The following HERC3 variants were observed in gnomAD, a reference collection of about 807,000 sequenced individuals.
HERC3 encodes probable E3 ubiquitin-protein ligase HERC3.
In HERC3, 58 loss-of-function variants were observed where a neutral mutation model predicts 129.9. The observed-to-expected ratio is 0.45, with a 90% CI of 0.36 to 0.56. HERC3 has a LOEUF of 0.56. HERC3 is among the 20% of genes least tolerant of loss of function. The pLI is 0.00. For synonymous variants in HERC3, 430 were observed against 451.0 expected (o/e 0.95, Z 0.59); for missense variants, 835 against 1,244.2 (o/e 0.67, Z 4.95).
intron 1 of HERC3, among the ~76,000 whole-genome samples, 189 bp downstream of exon 1, chr4:88,592,763 G>T (rs1721844150): frequency 6.6e-6 from 1 of 152,028 alleles, no homozygotes; most frequent in Non-Finnish European, 1.5e-5. Context: ...GGCGCGGGGA[G>T]GTTGGGGCGC....
At chr4:88,569,116 G>A in the HERC3 span, among the ~76,000 whole-genome samples, 1 of 152,132 alleles carries the variant, frequency 6.6e-6, no homozygotes, top group African/African-American at 2.4e-5. Context: ...CTGTGGTGGT[G>A]GGGCTAGCTG....
At chr4:88,572,138 A>G in the HERC3 span, among the ~76,000 whole-genome samples, 6 of 152,170 alleles carry the variant, frequency 3.9e-5, no homozygotes, top group Non-Finnish European at 7.3e-5. Context: ...GAAGAAACCA[A>G]CCTTGCTGGG....
the HERC3 span, among the ~76,000 whole-genome samples, chr4:88,526,949 C>T: frequency 4.0e-5 from 6 of 151,896 alleles, no homozygotes; most frequent in Non-Finnish European, 8.8e-5. Context: ...AAGAAAAATT[C>T]GCAAAAAAGA....
At chr4:88,652,816 GT>G in intron 5 of HERC3, 52 bp from the exon 6 acceptor site, 3 of 1,534,832 alleles carry the variant, frequency 2.0e-6, no homozygotes, top group Non-Finnish European at 2.7e-6. Flanking sequence ...GATTATTTTT[GT>G]GTGTGGAGCT....
intron 25 of HERC3, among the ~76,000 whole-genome samples, chr4:88,706,504 C>T (rs1426795463): frequency 1.3e-5 from 2 of 152,158 alleles, no homozygotes; most frequent in Non-Finnish European, 2.9e-5. Flanking sequence ...TTTCCTATGA[C>T]AGCAATTCCT....
chr4:88,630,633 A>G (rs561693880), intron 3 of HERC3, among the ~76,000 whole-genome samples: 2 of 152,334 alleles, frequency 1.3e-5, no homozygotes, highest in East Asian at 1.9e-4. Flanking sequence ...TGAAGGGACT[A>G]TTAGTATTTT....
the HERC3 span, among the ~76,000 whole-genome samples, chr4:88,532,603 A>G: frequency 6.6e-6 from 1 of 152,210 alleles, no homozygotes; most frequent in Non-Finnish European, 1.5e-5. Context: ...TACAAACACA[A>G]ATAATGTGTT....
chr4:88,577,981 A>G, the HERC3 span, among the ~76,000 whole-genome samples: 1 of 152,178 alleles, frequency 6.6e-6, no homozygotes, highest in Non-Finnish European at 1.5e-5. Flanking sequence ...TAACACTAGA[A>G]GATTCATTCC....
chr4:88,538,545 CTTTTTTT>C, the HERC3 span, among the ~76,000 whole-genome samples: 1 of 129,826 alleles, frequency 7.7e-6, no homozygotes, highest in Non-Finnish European at 1.6e-5. Flanking sequence ...CCAATTTCCT[CTTTTTTT>C]TTTTTTTTTT....
chr4:88,690,042 C>A (rs1197088442), intron 23 of HERC3: 1 of 985,180 alleles, frequency 1.0e-6, no homozygotes. Flanking sequence ...GCAGAAGCCA[C>A]CCAGACACCC....
At chr4:88,542,852 A>G in the HERC3 span, among the ~76,000 whole-genome samples, 1 of 152,236 alleles carries the variant, frequency 6.6e-6, no homozygotes, top group Non-Finnish European at 1.5e-5. Context: ...AATTTTCTCT[A>G]TAGTTGCAGA....
chr4:88,614,536 T>G (rs1004686899), intron 3 of HERC3, among the ~76,000 whole-genome samples: 2 of 152,168 alleles, frequency 1.3e-5, no homozygotes, highest in Non-Finnish European at 2.9e-5. Context: ...TCAAGGTACT[T>G]TGGTAAAAGG....
chr4:88,555,487 T>C, the HERC3 span, among the ~76,000 whole-genome samples: 4 of 152,208 alleles, frequency 2.6e-5, no homozygotes, highest in African/African-American at 9.6e-5. Context: ...AAATTTTGTT[T>C]ACAAGTGGCT....
chr4:88,565,756 ATTTTGTTGTTT>A, the HERC3 span, among the ~76,000 whole-genome samples: 933 of 152,226 alleles, frequency 6.1e-3, 11 homozygotes, highest in African/African-American at 0.022. Flanking sequence ...TACTCCTGCC[ATTTTGTTGTTT>A]AATAAAGATT....
rs372284416 is a variant in HERC3, at chr4:88,672,815, A to G, written c.1911+2563A>G. Reference sequence around the variant, plus strand: ...TTAGCAGAGTACTTAGCATATAATAAGCCCTCAATAAATATTTTTCACGAA... The same window carrying G: ...TTAGCAGAGTACTTAGCATATAATAGGCCCTCAATAAATATTTTTCACGAA... On this transcript the variant is annotated intron_variant, in intron 16 of 25. Transcript: ENST00000402738. 1.6e-4 allele frequency among the ~76,000 whole-genome samples: 25 copies of G among 152,378 alleles called. No individual in the cohort carries two copies. The South Asian group carries it at 2.5e-3, about 15-fold the overall frequency.
chr4:88,558,816 A>G, the HERC3 span, among the ~76,000 whole-genome samples: 4 of 151,840 alleles, frequency 2.6e-5, no homozygotes, highest in South Asian at 2.1e-4. Context: ...AAAAAAAGAA[A>G]AATTAGCCAG....
the HERC3 span, among the ~76,000 whole-genome samples, chr4:88,548,430 G>A: frequency 6.6e-6 from 1 of 151,956 alleles, no homozygotes; most frequent in African/African-American, 2.4e-5. Context: ...CTTTTGATTT[G>A]CCTTTCCCTG....
At chr4:88,599,309 G>A (rs750429196) in intron 2 of HERC3, among the ~76,000 whole-genome samples, 2 of 151,880 alleles carry the variant, frequency 1.3e-5, no homozygotes, top group Non-Finnish European at 2.9e-5. Context: ...GACCTAGGCC[G>A]TATTTATAGT....
chr4:88,687,223 C>G lies in HERC3; in HGVS notation c.2581C>G (p.Arg861Gly). Residue 861 changes from arginine (R) to glycine (G), a missense_variant, in exon 23 of 26, where the codon CGA becomes GGA. Arg to Gly is a moderately radical substitution (Grantham distance 125). Coordinates refer to ENST00000402738, the MANE Select transcript of HERC3 (RefSeq NM_014606.3). ...ETFCLNFTIC[R>G]ESYGVIEQKK... ...TTTTCCACCTTAAATATAGATCTGC[C>G]GAGAAAGCTATGGAGTGATTGAACA... 5 of 1,609,144 alleles carry G rather than the reference C, an allele frequency of 3.1e-6. No individual in the cohort carries two copies. The highest frequency in any genetic ancestry group is 4.2e-6 in the Non-Finnish European group (5 of 1,176,692).
Sources: allele counts gnomAD v4.1 joint callset (sites outside exome capture counted in the v4.1 genomes callset), GRCh38; gene constraint gnomAD v4.1.1; transcripts MANE v1.5; gene names NCBI Gene and HGNC (gene_info 2026-07-23, HGNC 2026-07-21).